ADPRHL1: variants seen among roughly 807,000 people sequenced by gnomAD.
ADPRHL1 encodes the protein ADP-ribosylhydrolase like 1.
In ADPRHL1, 43 loss-of-function variants were observed where a neutral mutation model predicts 44.1. The ratio of observed to expected loss-of-function variants is 0.98; its 90% CI spans 0.76 to 1.26. The LOEUF (loss-of-function observed/expected upper bound fraction) is 1.26, where lower values mean the gene tolerates loss of function less well. Among genes scored for constraint, ADPRHL1 ranks in the 50% most tolerant of loss-of-function variants. ADPRHL1 has a pLI of 0.00. For synonymous variants in ADPRHL1, 878 were observed against 1,017.4 expected (o/e 0.86, Z 2.61); for missense variants, 2,022 against 2,496.9 (o/e 0.81, Z 4.05).
In ADPRHL1 at chr13:113,403,778, C is replaced by G; in HGVS notation, c.5504G>C (p.Ser1835Thr). 8.1e-7 allele frequency: 1 copy of G among 1,233,360 alleles called. No individual in the cohort carries two copies. Among genetic ancestry groups the G allele is most frequent in the East Asian group, 3.2e-5 (1 of 31,740 alleles). 76.4% of individuals were successfully genotyped at this position (1,233,360 alleles called of 1,614,324 possible). Residue 1835 changes from serine (S) to threonine (T), a missense_variant, in exon 8 of 8, where the codon AGT becomes ACT. By Grantham distance (58) the Ser-to-Thr change is moderately conservative. Transcript: ENST00000612156. The part of the protein sequence containing the change: ...IAEGVDAAGR[S>T]GGSRSPAPRD... ...GGGGGCTGGGCTTCTGGACCCCCCA[C>G]TCCTGCCAGCAGCATCCACTCCCTC...
chr13:113,407,617 G>A lies in ADPRHL1; in HGVS notation c.1665C>T (p.Phe555=), dbSNP rs113429647. 18 of 1,232,120 alleles carry A rather than the reference G, an allele frequency of 1.5e-5. No homozygotes were observed. The highest frequency in any genetic ancestry group is 1.7e-5 in the Non-Finnish European group (17 of 988,030). 76.3% of individuals were successfully genotyped at this position (1,232,120 alleles called of 1,614,324 possible). ...SSVLSKLREK[F]EQNSCLCSEA... ...CGGAGCACAGGCAGCTGTTCTGCTC[G>A]AACTTCTCCCGCAGCTTGGACAGCA... is the stretch of plus-strand genomic sequence containing the variant. Residue 555 remains phenylalanine, a synonymous_variant, in exon 8 of 8, where the codon TTC becomes TTT. Transcript: ENST00000612156.
At chr13:113,444,874 C>T (rs9549799) in intron 1 of ADPRHL1, among the ~76,000 whole-genome samples, 25,146 of 152,046 alleles carry the variant, frequency 0.17, 2,215 homozygotes, top group Middle Eastern at 0.21. Context: ...CTGCCCACCT[C>T]AGCCTCCCAA....
intron 7 of ADPRHL1, among the ~76,000 whole-genome samples, chr13:113,420,789 C>T (rs1315526906): frequency 6.6e-6 from 1 of 151,948 alleles, no homozygotes; most frequent in East Asian, 1.9e-4. Flanking sequence ...TCCCACAAAA[C>T]GAACGGGGCA....
intron 1 of ADPRHL1, among the ~76,000 whole-genome samples, chr13:113,450,963 C>CT (rs1347098456): frequency 1.4e-5 from 2 of 147,066 alleles, no homozygotes; most frequent in South Asian, 2.1e-4. Flanking sequence ...CCCCCCCCCC[C>CT]TTCCTGGTCT....
At position 113,409,127 on chromosome 13, in the gene ADPRHL1, C is replaced by T. The variant is rs1488882143; in HGVS notation, c.1062-907G>A. On this transcript the variant is annotated intron_variant, in intron 7 of 7. Transcript: ENST00000612156. The surrounding 1 kb of genome is among the most constrained non-coding windows in gnomAD (Gnocchi z 4.2). Reference sequence around the variant, plus strand: ...CACCAGGGATTCCTTCCCACCAGCCCAGCTTTCAAAGAGACGGGACCAAAT... The same window carrying T: ...CACCAGGGATTCCTTCCCACCAGCCTAGCTTTCAAAGAGACGGGACCAAAT... 1.3e-5 allele frequency among the ~76,000 whole-genome samples: 2 copies of T among 152,294 alleles called. No homozygotes were observed. Among genetic ancestry groups the T allele is most frequent in the African/African-American group, 4.8e-5 (2 of 41,562 alleles).
At chr13:113,413,471 G>A (rs1416814810) in intron 7 of ADPRHL1, among the ~76,000 whole-genome samples, 1 of 152,266 alleles carries the variant, frequency 6.6e-6, no homozygotes, top group East Asian at 1.9e-4. Context: ...GTCATGGACT[G>A]AGAGGGGGGC....
chr13:113,438,349 T>C (rs2044075401), intron 2 of ADPRHL1, among the ~76,000 whole-genome samples: 1 of 152,222 alleles, frequency 6.6e-6, no homozygotes, highest in Non-Finnish European at 1.5e-5. Context: ...GTGCTTATTG[T>C]CCACCCATAT....
chr13:113,407,161 G>C lies in ADPRHL1; in HGVS notation c.2121C>G (p.Phe707Leu), dbSNP rs865997362. ...RDGHAVPSLAFSCAPCTGGVL... is the reference protein window; with the variant it reads ...RDGHAVPSLALSCAPCTGGVL... ...CTCCACCTGTGCAGGGAGCACAAGA[G>C]AAGGCCAGCGAGGGGACAGCGTGGC... The change falls in exon 8 of 8, where the codon TTC (phenylalanine) becomes TTG (leucine). Residue 707 changes from phenylalanine (F) to leucine (L), a missense_variant. This residue lies in a region of ADPRHL1 where 1,221 missense variants were observed against 1,517.8 expected (regional missense o/e 0.80). Transcript: ENST00000612156. The C allele has an allele frequency of 1.9e-5, 24 of 1,232,140 alleles. No homozygotes were observed. The highest frequency in any genetic ancestry group is 2.4e-5 in the Non-Finnish European group (24 of 988,064). 76.3% of individuals were successfully genotyped at this position (1,232,140 alleles called of 1,614,324 possible). A position where few individuals can be genotyped will look rare whatever the true frequency, so the allele number is the denominator to read the frequency against.
rs183860036 is a variant in ADPRHL1, at chr13:113,403,713, G to C, written c.5569C>G (p.Pro1857Ala). ...CCTGGGGGTGGGTACCCGGCGCTGG[G>C]CTCCCCCAGGCCACTGCCCCCTGAC... is the stretch of plus-strand genomic sequence containing the variant. Reference protein sequence around the residue: ...GQSGGSGLGEPSAGYPPPGSR... With the variant: ...GQSGGSGLGEASAGYPPPGSR... The change falls in exon 8 of 8, where the codon CCC becomes GCC. Residue 1857 changes from proline to alanine, a missense_variant. Pro to Ala is a conservative substitution (Grantham distance 27). Around this residue, in one of 8 missense-constraint regions of ADPRHL1, gnomAD observed 205 missense variants for 250.1 expected, o/e 0.82. Coordinates refer to ENST00000612156, the MANE Select transcript of ADPRHL1 (RefSeq NM_001394807.1). The C allele has an allele frequency of 2.4e-6, 3 of 1,231,926 alleles. No homozygotes were observed. The African/African-American group carries it at 4.7e-5, about 19-fold the overall frequency. 76.3% of individuals were successfully genotyped at this position (1,231,926 alleles called of 1,614,324 possible). A position where few individuals can be genotyped will look rare whatever the true frequency, so the allele number is the denominator to read the frequency against.
At chr13:113,427,736 C>G (rs1253605741) in intron 4 of ADPRHL1, among the ~76,000 whole-genome samples, 1 of 152,178 alleles carries the variant, frequency 6.6e-6, no homozygotes, top group African/African-American at 2.4e-5. Context: ...GAGGACGGCC[C>G]GGTCACGGGG....
chr13:113,420,666 G>C (rs1378093062), intron 7 of ADPRHL1, among the ~76,000 whole-genome samples: 1 of 152,010 alleles, frequency 6.6e-6, no homozygotes, highest in East Asian at 1.9e-4. Flanking sequence ...TGGTTCTTCT[G>C]ACTTAAAGCA....
chr13:113,435,540 C>T (rs2044047298), intron 2 of ADPRHL1, among the ~76,000 whole-genome samples: 1 of 22,858 alleles, frequency 4.4e-5, no homozygotes, highest in Non-Finnish European at 1.0e-4. Flanking sequence ...GTAGGGTGAA[C>T]ATAGGTGTAC....
intron 1 of ADPRHL1, among the ~76,000 whole-genome samples, chr13:113,450,874 G>A (rs918002467): frequency 5.3e-5 from 8 of 152,102 alleles, no homozygotes; most frequent in South Asian, 2.1e-4. Context: ...GGATAACTGC[G>A]GGCGAGCCTG....
intron 4 of ADPRHL1, 119 bp from the exon 5 acceptor site, chr13:113,425,298 C>T: frequency 3.0e-6 from 3 of 994,696 alleles, no homozygotes; most frequent in Admixed American, 4.5e-5. Flanking sequence ...GCAATGCCCC[C>T]TCTACCCAGC....
chr13:113,439,811 G>A (rs1256372019), intron 2 of ADPRHL1, among the ~76,000 whole-genome samples: 1 of 152,108 alleles, frequency 6.6e-6, no homozygotes, highest in Non-Finnish European at 1.5e-5. Flanking sequence ...AGTGACCTTC[G>A]GTAGTTTATG....
chr13:113,431,508 G>A (rs1009737056), intron 3 of ADPRHL1, among the ~76,000 whole-genome samples: 14 of 152,208 alleles, frequency 9.2e-5, no homozygotes, highest in African/African-American at 2.7e-4. Flanking sequence ...CTCTGCCCCC[G>A]CGCAGGGTGG....
In ADPRHL1 at chr13:113,403,529, T is replaced by C; in HGVS notation, c.5753A>G (p.Asp1918Gly). The change falls in exon 8 of 8, where the codon GAC becomes GGC. Residue 1918 changes from aspartate to glycine, a missense_variant. By Grantham distance (94) the Asp-to-Gly change is moderately conservative. Coordinates refer to ENST00000612156, the MANE Select transcript of ADPRHL1 (RefSeq NM_001394807.1). Reference protein sequence around the residue: ...DHPGAERALQDRMEASEPERR... With the variant: ...DHPGAERALQGRMEASEPERR... ...CTCGGGCTCCGATGCCTCCATCCTG[T>C]CCTGCAGGGCCCTCTCAGCCCCAGG... The C allele has an allele frequency of 1.6e-6, 2 of 1,231,982 alleles. No individual in the cohort carries two copies. The highest frequency in any genetic ancestry group is 2.0e-6 in the Non-Finnish European group (2 of 987,988). The allele number at this position is 1,231,982 out of a possible 1,614,324, so 76.3% of individuals were successfully genotyped here.
chr13:113,445,709 G>C (rs1260486140), intron 1 of ADPRHL1, among the ~76,000 whole-genome samples: 1 of 152,166 alleles, frequency 6.6e-6, no homozygotes, highest in Admixed American at 6.5e-5. Context: ...AGACCTTCCT[G>C]CTGGTGGCTG....
chr13:113,413,762 A>C (rs541706811), intron 7 of ADPRHL1, among the ~76,000 whole-genome samples: 1 of 152,196 alleles, frequency 6.6e-6, no homozygotes, highest in Non-Finnish European at 1.5e-5. Context: ...GTGCGGGGCG[A>C]GACCGGGCCT....
Sources: gnomAD v4.1 joint callset for allele counts (sites outside exome capture counted in the v4.1 genomes callset) on GRCh38, gnomAD v4.1.1 for gene constraint, gnomAD v4.1.1 regional missense constraint, Gnocchi (gnomAD v3.1) non-coding constraint, MANE v1.5 for transcripts, NCBI Gene and HGNC (gene_info 2026-07-23, HGNC 2026-07-21) for gene names.